The following MAPK15 variants were observed in gnomAD, a reference collection of about 807,000 sequenced individuals.
MAPK15 encodes ERK-7.
A neutral mutation model predicts 60.8 loss-of-function variants in MAPK15; 61 were observed. That is an observed-to-expected ratio of 1.00 (90% CI 0.82 to 1.24). The LOEUF is 1.24. Among genes scored for constraint, MAPK15 ranks in the 50% most tolerant of loss-of-function variants. MAPK15 has a pLI of 0.00. For synonymous variants in MAPK15, 356 were observed against 319.9 expected (o/e 1.11, Z -1.21); for missense variants, 808 against 741.1 (o/e 1.09, Z -1.05).
At chr8:143,716,981 G>A (rs1817837468) in intron 1 of MAPK15, among the ~76,000 whole-genome samples, 1 of 152,138 alleles carries the variant, frequency 6.6e-6, no homozygotes, top group Non-Finnish European at 1.5e-5. Flanking sequence ...GGGAGGGGAG[G>A]AAGAGCCTTC....
rs200998930 is a variant in MAPK15 at position 143,716,360 on chromosome 8, G to C, written c.-18G>C. On this transcript the variant is annotated 5_prime_UTR_variant, in exon 1 of 14. Coordinates refer to ENST00000338033, the MANE Select transcript of MAPK15 (RefSeq NM_139021.3). ...GCAACCGACTCAACAGTAAGGCCCC[G>C]CGGGCGTCCTGGCCGCCATGTGCAC... 6.3e-7 allele frequency: 1 copy of C among 1,588,942 alleles called. No homozygotes were observed. Among genetic ancestry groups the C allele is most frequent in the South Asian group, 1.1e-5 (1 of 87,740 alleles).
intron 13 of MAPK15, 75 bp downstream of exon 13, chr8:143,721,955 C>G: frequency 6.6e-7 from 1 of 1,515,638 alleles, no homozygotes; most frequent in South Asian, 1.3e-5. Context: ...TTTTCCCTCC[C>G]TTCCCCATGC....
In MAPK15 at chr8:143,718,316, C is replaced by T. The variant is rs782519909; in HGVS notation, c.286+14C>T. On this transcript the variant is annotated intron_variant, in intron 4 of 13. Coordinates refer to ENST00000338033, the MANE Select transcript of MAPK15 (RefSeq NM_139021.3). ...TTGAGTTTATGGGTGAGTGAGGCCC[C>T]GGCCAGCGCCCCAGCCCCACCTCTG... 42 of 1,611,744 alleles carry T rather than the reference C, an allele frequency of 2.6e-5. No homozygotes were observed. The highest frequency in any genetic ancestry group is 1.6e-4 in the Middle Eastern group (1 of 6,082).
In MAPK15 at chr8:143,721,251, C is replaced by A. The variant is rs200724797; in HGVS notation, c.1044C>A (p.Gly348=). The stretch of plus-strand genomic sequence containing the variant: ...CGCAGATGATCCTGGAGTGTGGAGG[C>A]AGCAGCGGCACCTCGAGAGAGAAGG... The part of the protein sequence containing the change: ...RVYQMILECG[G]SSGTSREKGP... Residue 348 remains glycine, a synonymous_variant, in exon 11 of 14, where the codon GGC becomes GGA. Coordinates refer to ENST00000338033, the MANE Select transcript of MAPK15 (RefSeq NM_139021.3). The A allele has an allele frequency of 1.4e-5, 23 of 1,611,446 alleles. No homozygotes were observed. The highest frequency in any genetic ancestry group is 2.0e-5 in the Non-Finnish European group (23 of 1,178,934).
Position 143,721,087 on chromosome 8 carries a change from C to T in MAPK15, c.1005C>T (p.Tyr335=), listed in dbSNP as rs551449496. Residue 335 remains tyrosine, a synonymous_variant, in exon 10 of 14, where the codon TAC becomes TAT. Coordinates refer to ENST00000338033, the MANE Select transcript of MAPK15 (RefSeq NM_139021.3). ...HEGVQLSVPE[Y]RSRVYQMILE... ...GGGTCCAGCTCTCTGTGCCTGAGTACCGCAGCCGCGTCTATCAGGTGCTCC... is the reference window on the plus strand; with the variant it reads ...GGGTCCAGCTCTCTGTGCCTGAGTATCGCAGCCGCGTCTATCAGGTGCTCC... The T allele has an allele frequency of 6.2e-7, 1 of 1,611,230 alleles. No homozygotes were observed. Among genetic ancestry groups the T allele is most frequent in the African/African-American group, 1.3e-5 (1 of 74,978 alleles).
At chr8:143,717,611 G>C in intron 1 of MAPK15, 83 bp from the exon 2 acceptor site, 1 of 1,198,012 alleles carries the variant, frequency 8.3e-7, no homozygotes, top group Non-Finnish European at 1.2e-6. Flanking sequence ...TGGGAAGGAG[G>C]AGCCTCATGT....
Position 143,721,391 on chromosome 8 carries a change from G to A in MAPK15, c.1184G>A (p.Gly395Asp). 3 of 1,612,066 alleles carry A rather than the reference G, an allele frequency of 1.9e-6. No homozygotes were observed. The highest frequency in any genetic ancestry group is 2.5e-6 in the Non-Finnish European group (3 of 1,179,188). The part of the protein sequence containing the change: ...GPRPRPQSSP[G>D]HDPAEHESPR... Reference sequence around the variant, plus strand: ...AGACCCAGGCCCCAGAGCAGCCCAGGCCATGACCCTGCCGAGCACGGTGTG... The same window carrying A: ...AGACCCAGGCCCCAGAGCAGCCCAGACCATGACCCTGCCGAGCACGGTGTG... The change falls in exon 11 of 14, where the codon GGC (glycine) becomes GAC (aspartate). Residue 395 changes from glycine to aspartate, a missense_variant. Transcript: ENST00000338033.
At position 143,719,054 on chromosome 8, in the gene MAPK15, G is replaced by A. The variant is rs782145185; in HGVS notation, c.479G>A (p.Arg160His). The A allele has an allele frequency of 1.2e-5, 19 of 1,590,410 alleles. No individual in the cohort carries two copies. The highest frequency in any genetic ancestry group is 2.3e-5 in the East Asian group (1 of 43,272). The part of the protein sequence containing the change: ...TVKLCDFGLA[R>H]SLGDLPEGPE... The stretch of plus-strand genomic sequence containing the variant: ...AAGCTGTGTGACTTTGGCCTGGCCC[G>A]CTCCCTGGGCGACCTCCCCGAGGGG... The change falls in exon 6 of 14, where the codon CGC becomes CAC. Residue 160 changes from arginine (R) to histidine (H), a missense_variant. Physicochemically the swap from Arg to His is conservative, Grantham distance 29 (BLOSUM62 0). Transcript: ENST00000338033.
chr8:143,716,464 C>A, intron 1 of MAPK15, 21 bp downstream of exon 1: 7 of 1,588,826 alleles, frequency 4.4e-6, no homozygotes, highest in Non-Finnish European at 6.0e-6. Context: ...GGGGGTGCGT[C>A]CGCGCGCCGA....
Position 143,720,120 on chromosome 8 carries a change from T to C in MAPK15, c.722-110T>C, listed in dbSNP as rs1554619365. 1.7e-5 allele frequency: 25 copies of C among 1,477,404 alleles called. No individual in the cohort carries two copies. The East Asian group carries it at 2.5e-4, about 15-fold the overall frequency. 91.5% of individuals were successfully genotyped at this position (1,477,404 alleles called of 1,614,324 possible). On this transcript the variant is annotated intron_variant, in intron 7 of 13. Coordinates refer to ENST00000338033, the MANE Select transcript of MAPK15 (RefSeq NM_139021.3). The surrounding 1 kb of genome is among the most constrained non-coding windows in gnomAD (Gnocchi z 4.6). The stretch of plus-strand genomic sequence containing the variant: ...GAGCCCCGCCAGACAGCAGAAACCC[T>C]GTAGAGAGGCTGTGCTCCCTGGGGC...
chr8:143,721,652 GC>G lies in MAPK15; in HGVS notation c.1314del (p.Leu439Ter). On this transcript the variant is annotated frameshift_variant, in exon 12 of 14. Transcript: ENST00000338033. LOFTEE classifies it high-confidence loss of function. ...GERPPGAKEAPPLTLSLVKPS... is the reference protein window; with the variant it reads ...GERPPGAKEAXPLTLSLVKPS... ...AAAGGCCCCCTGGGGCGAAGGAAGC[GC>G]CCCCCTTGACACTCTCGCTGGTAAG... 1.8e-5 allele frequency: 29 copies of G among 1,608,828 alleles called. No individual in the cohort carries two copies. Among genetic ancestry groups the G allele is most frequent in the Non-Finnish European group, 2.5e-5 (29 of 1,177,158 alleles).
At chr8:143,716,796 G>C (rs1405010382) in intron 1 of MAPK15, among the ~76,000 whole-genome samples, 1 of 152,254 alleles carries the variant, frequency 6.6e-6, no homozygotes, top group Non-Finnish European at 1.5e-5. Context: ...GTCACTGAGA[G>C]GAAGGGCGGA....
In MAPK15 at chr8:143,718,382, C is replaced by CTGCGTGTCCCT. The variant is rs1554618872; in HGVS notation, c.286+80_286+81insTGCGTGTCCCT. 949 of 1,276,694 alleles carry CTGCGTGTCCCT rather than the reference C, an allele frequency of 7.4e-4. 24 individuals carry two copies. The highest frequency in any genetic ancestry group is 1.8e-3 in the African/African-American group (122 of 68,116). 79.1% of individuals were successfully genotyped at this position (1,276,694 alleles called of 1,614,324 possible). On this transcript the variant is annotated intron_variant, in intron 4 of 13. Coordinates refer to ENST00000338033, the MANE Select transcript of MAPK15 (RefSeq NM_139021.3). Reference sequence around the variant, plus strand: ...GTCTGCGGGTCCCTCTGCGTGTCCCCCTGCGTGTCCCTCTGCAGCTGGCCC... The same window carrying CTGCGTGTCCCT: ...GTCTGCGGGTCCCTCTGCGTGTCCCCTGCGTGTCCCTCTGCGTGTCCCTCTGCAGCTGGCCC...
At position 143,722,086 on chromosome 8, in the gene MAPK15, G is replaced by C; in HGVS notation, c.1470G>C (p.Arg490=). The C allele has an allele frequency of 6.2e-7, 1 of 1,611,990 alleles. No homozygotes were observed. The highest frequency in any genetic ancestry group is 8.5e-7 in the Non-Finnish European group (1 of 1,179,790). ...TCAACTGTACACAGGTCCCTCCCCGGCTTCCTCCGGAGGCCCGGCCCGGCC... is the reference window on the plus strand; with the variant it reads ...TCAACTGTACACAGGTCCCTCCCCGCCTTCCTCCGGAGGCCCGGCCCGGCC... The part of the protein sequence containing the change: ...RVASVQQVPP[R]LPPEARPGRR... Residue 490 remains arginine (R), a synonymous_variant, in exon 14 of 14, where the codon CGG becomes CGC. Coordinates refer to ENST00000338033, the MANE Select transcript of MAPK15 (RefSeq NM_139021.3).
chr8:143,717,951 T>C (rs2131572627), intron 2 of MAPK15, 96 bp from the exon 3 acceptor site: 5 of 1,563,312 alleles, frequency 3.2e-6, no homozygotes, highest in East Asian at 4.5e-5. Context: ...GTCTGGTGGG[T>C]ATTGGGTGAC....
At chr8:143,717,051 T>C (rs887997680) in intron 1 of MAPK15, among the ~76,000 whole-genome samples, 1 of 151,942 alleles carries the variant, frequency 6.6e-6, no homozygotes, top group Non-Finnish European at 1.5e-5. Context: ...TGCAACTGGA[T>C]AGGAGATGGA....
chr8:143,717,359 T>C (rs1036565436), intron 1 of MAPK15, among the ~76,000 whole-genome samples: 2 of 151,686 alleles, frequency 1.3e-5, no homozygotes, highest in Non-Finnish European at 2.9e-5. Context: ...GCCAATGGGA[T>C]TGGGGGTGGA....
intron 10 of MAPK15, 46 bp from the exon 11 acceptor site, chr8:143,721,184 GC>G: frequency 6.3e-7 from 1 of 1,592,574 alleles, no homozygotes; most frequent in Admixed American, 1.7e-5. Context: ...ACCCCCAAAC[GC>G]CCCATGCCCA....
intron 1 of MAPK15, 104 bp downstream of exon 1, chr8:143,716,547 C>CA (rs1554618398): frequency 9.9e-7 from 1 of 1,013,036 alleles, no homozygotes; most frequent in Admixed American, 3.4e-5. Flanking sequence ...TTCCGTCACA[C>CA]ACTGGCGTCC....
Sources: gnomAD v4.1 joint callset for allele counts (sites outside exome capture counted in the v4.1 genomes callset) on GRCh38, gnomAD v4.1.1 for gene constraint, Gnocchi (gnomAD v3.1) non-coding constraint, MANE v1.5 for transcripts, NCBI Gene and HGNC (gene_info 2026-07-23, HGNC 2026-07-21) for gene names.